PLAGL2: variants seen among roughly 807,000 people sequenced by gnomAD.
PLAGL2 encodes PLAG1 like zinc finger 2, also known as zinc finger protein PLAGL2.
A neutral mutation model predicts 29.0 loss-of-function variants in PLAGL2; 7 were observed. The ratio of observed to expected loss-of-function variants is 0.24; its 90% confidence interval spans 0.14 to 0.45. The LOEUF is 0.45. Among genes scored for constraint, PLAGL2 ranks in the 20% least tolerant of loss-of-function variants. PLAGL2 has a pLI of 0.99. For missense variants in PLAGL2, 454 were observed against 648.2 expected (o/e 0.70, Z 3.25); for synonymous variants, 234 against 266.0 (o/e 0.88, Z 1.17).
At chr20:32,200,601 TG>T (rs1399098832) in intron 2 of PLAGL2, among the ~76,000 whole-genome samples, 1 of 151,692 alleles carries the variant, frequency 6.6e-6, no homozygotes, top group African/African-American at 2.4e-5. Flanking sequence ...TGCTCTTTTT[TG>T]TTTTTTTTGA....
rs1157541265 is a variant in PLAGL2, at chr20:32,195,332, T to A, written c.*1120A>T. On this transcript the variant is annotated 3_prime_UTR_variant, in exon 3 of 3. Coordinates refer to ENST00000246229, the MANE Select transcript of PLAGL2 (RefSeq NM_002657.3). ...AGGAAGACCAATGAGGGGCTCAGAC[T>A]TCCTCCTTTGCTATCCACACCAACC... is the stretch of plus-strand genomic sequence containing the variant. 1 of 152,684 alleles carries A rather than the reference T, an allele frequency of 6.5e-6. No individual in the cohort carries two copies. The highest frequency in any genetic ancestry group is 1.9e-4 in the East Asian group (1 of 5,202). The allele number at this position is 152,684 out of a possible 1,614,324, so 9.5% of individuals were successfully genotyped here. A position where few individuals can be genotyped will look rare whatever the true frequency, so the allele number is the denominator to read the frequency against.
Position 32,197,457 on chromosome 20 carries a change from C to T in PLAGL2, c.486G>A (p.Leu162=). The T allele has an allele frequency of 6.2e-7, 1 of 1,613,034 alleles. No individual in the cohort carries two copies. The highest frequency in any genetic ancestry group is 1.1e-5 in the South Asian group (1 of 91,022). ...GGGCCTGGGTACTCTCAAAGGTCTG[C>T]AGGCACACCTTGCAGCTGAGGTCAC... The part of the protein sequence containing the change: ...SSGDLSCKVC[L]QTFESTQALL... The change falls in exon 3 of 3, where the codon CTG becomes CTA. Residue 162 remains leucine, a synonymous_variant. Transcript: ENST00000246229. This position sits in a 1 kb window ranked among gnomAD's most constrained non-coding sequence, Gnocchi z 6.6.
At chr20:32,201,805 A>G (rs2047260865) in intron 2 of PLAGL2, 114 bp downstream of exon 2, 1 of 827,474 alleles carries the variant, frequency 1.2e-6, no homozygotes, top group Non-Finnish European at 1.9e-6. Context: ...TACTTGTAGG[A>G]CAAATTAACC....
At position 32,193,166 on chromosome 20, in the gene PLAGL2, A is replaced by C. The variant is rs2047209792; in HGVS notation, c.*3286T>G. 6.6e-6 allele frequency: 1 copy of C among 152,376 alleles called. No individual in the cohort carries two copies. Among genetic ancestry groups the C allele is most frequent in the South Asian group, 2.1e-4 (1 of 4,830 alleles). The allele number at this position is 152,376 out of a possible 1,614,324, so 9.4% of individuals were successfully genotyped here. ...TGATCCTGTACAATATAACCTGTTA[A>C]AAAAATCGTGCTTACAAACAGCTCC... On this transcript the variant is annotated 3_prime_UTR_variant, in exon 3 of 3. Coordinates refer to ENST00000246229, the MANE Select transcript of PLAGL2 (RefSeq NM_002657.3).
Position 32,200,114 on chromosome 20 carries a change from C to G in PLAGL2, c.260+1805G>C, listed in dbSNP as rs540351408. 1.4e-4 allele frequency among the ~76,000 whole-genome samples: 21 copies of G among 152,356 alleles called. 1 individual carries two copies. In the South Asian group the frequency reaches 4.3e-3, roughly 32 times the overall value. ...ACCATAAACCCAAGGAGGACCAGCA[C>G]CCCCATCTGTCTGGCTCACTACTCC... On this transcript the variant is annotated intron_variant, in intron 2 of 2. Transcript: ENST00000246229.
rs528790846 is a variant in PLAGL2, at chr20:32,196,569, T to C, written c.1374A>G (p.Gln458=). The change falls in exon 3 of 3, where the codon CAA becomes CAG. Residue 458 remains glutamine, a synonymous_variant. Transcript: ENST00000246229. ...PLLTTLQAQP[Q]DSPGAGGPLN... ...GTGGTCCCCCAGCTCCTGGGGAATCTTGAGGCTGAGCTTGCAAAGTGGTAA... is the reference window on the plus strand; with the variant it reads ...GTGGTCCCCCAGCTCCTGGGGAATCCTGAGGCTGAGCTTGCAAAGTGGTAA... The C allele has an allele frequency of 8.4e-6, 13 of 1,544,408 alleles. No homozygotes were observed. The highest frequency in any genetic ancestry group is 2.8e-5 in the African/African-American group (2 of 72,498).
intron 2 of PLAGL2, among the ~76,000 whole-genome samples, chr20:32,198,016 C>A (rs534761236): frequency 6.6e-6 from 1 of 152,180 alleles, no homozygotes; most frequent in African/African-American, 2.4e-5. Context: ...TGTGTACTTA[C>A]AGGGAACATG....
In PLAGL2 at chr20:32,197,805, A is replaced by G; in HGVS notation, c.261-123T>C. ...TATAAAAACCATGGTAAAGGCTTGCAATGCAATACCAAACCAGTTATATTC... is the reference window on the plus strand; with the variant it reads ...TATAAAAACCATGGTAAAGGCTTGCGATGCAATACCAAACCAGTTATATTC... On this transcript the variant is annotated intron_variant, in intron 2 of 2. Coordinates refer to ENST00000246229, the MANE Select transcript of PLAGL2 (RefSeq NM_002657.3). This position sits in a 1 kb window ranked among gnomAD's most constrained non-coding sequence, Gnocchi z 6.6. 1.4e-6 allele frequency: 1 copy of G among 735,958 alleles called. No individual in the cohort carries two copies. The highest frequency in any genetic ancestry group is 2.2e-6 in the Non-Finnish European group (1 of 446,552). The allele number at this position is 735,958 out of a possible 1,614,324, so 45.6% of individuals were successfully genotyped here.
chr20:32,205,384 C>A (rs2047281165), intron 1 of PLAGL2, among the ~76,000 whole-genome samples: 1 of 152,184 alleles, frequency 6.6e-6, no homozygotes, highest in Admixed American at 6.5e-5. Context: ...CTTTACCTCC[C>A]TCCAGGCACC....
chr20:32,206,540 C>T (rs1315130549), intron 1 of PLAGL2, among the ~76,000 whole-genome samples: 1 of 152,206 alleles, frequency 6.6e-6, no homozygotes, highest in African/African-American at 2.4e-5. Flanking sequence ...TTCGACACCC[C>T]CGCTCCCAAT....
At chr20:32,201,814 C>T in intron 2 of PLAGL2, 105 bp downstream of exon 2, 1 of 902,966 alleles carries the variant, frequency 1.1e-6, no homozygotes, top group Admixed American at 2.5e-5. Flanking sequence ...GACAAATTAA[C>T]CTCCACTCTT....
intron 2 of PLAGL2, among the ~76,000 whole-genome samples, chr20:32,199,618 T>A (rs983944808): frequency 2.0e-5 from 3 of 152,118 alleles, no homozygotes; most frequent in Non-Finnish European, 4.4e-5. Flanking sequence ...AGGGACTGCT[T>A]GAGGCCAGGA....
In PLAGL2 at chr20:32,198,689, G is replaced by A. The variant is rs118012555; in HGVS notation, c.261-1007C>T. Among the ~76,000 whole-genome samples, 128 of 152,230 alleles carry A rather than the reference G, an allele frequency of 8.4e-4. No homozygotes were observed. In the East Asian group the frequency reaches 0.024, roughly 29 times the overall value. On this transcript the variant is annotated intron_variant, in intron 2 of 2. Coordinates refer to ENST00000246229, the MANE Select transcript of PLAGL2 (RefSeq NM_002657.3). ...AGAACAAATTTCCAAGATATACAGG[G>A]CTAAGTCAAAAAAGGAAGTTCAATA...
In PLAGL2 at chr20:32,202,163, T is replaced by A; in HGVS notation, c.16A>T (p.Thr6Ser). 6.2e-7 allele frequency: 1 copy of A among 1,614,044 alleles called. No homozygotes were observed. The highest frequency in any genetic ancestry group is 8.5e-7 in the Non-Finnish European group (1 of 1,180,018). The change falls in exon 2 of 3, where the codon ACC becomes TCC. Residue 6 changes from threonine to serine, a missense_variant. Thr to Ser is a moderately conservative substitution (Grantham distance 58, BLOSUM62 1). Coordinates refer to ENST00000246229, the MANE Select transcript of PLAGL2 (RefSeq NM_002657.3). The stretch of plus-strand genomic sequence containing the variant: ...TCTTGAATCCAGGGGGGGACGCTGG[T>A]GAAAAATGTGGTCATGGCAAGGCTA... MTTFF[T>S]SVPPWIQDAK... is the part of the protein sequence containing the mutation.
chr20:32,201,817 C>G, intron 2 of PLAGL2, 102 bp downstream of exon 2: 2 of 940,460 alleles, frequency 2.1e-6, no homozygotes, highest in Non-Finnish European at 1.6e-6. Context: ...AAATTAACCT[C>G]CACTCTTCTG....
rs1217395158 is a variant in PLAGL2 at position 32,197,425 on chromosome 20, T to C, written c.518A>G (p.Glu173Gly). 2 of 1,612,390 alleles carry C rather than the reference T, an allele frequency of 1.2e-6. No individual in the cohort carries two copies. The highest frequency in any genetic ancestry group is 2.2e-5 in the South Asian group (2 of 90,958). Residue 173 changes from glutamate to glycine, a missense_variant, in exon 3 of 3, where the codon GAG becomes GGG. By Grantham distance (98) the Glu-to-Gly change is moderately conservative. Around this residue, in one of 4 missense-constraint regions of PLAGL2, gnomAD observed 111 missense variants for 173.1 expected, o/e 0.64. Transcript: ENST00000246229. The surrounding 1 kb of genome is among the most constrained non-coding windows in gnomAD (Gnocchi z 6.6). ...QTFESTQALLEHLKAHSRRVA... is the reference protein window; with the variant it reads ...QTFESTQALLGHLKAHSRRVA... ...CCGGCGTGAGTGGGCCTTCAGGTGC[T>C]CTAGCAGGGCCTGGGTACTCTCAAA...
chr20:32,199,340 G>C (rs116623194), intron 2 of PLAGL2, among the ~76,000 whole-genome samples: 122 of 152,312 alleles, frequency 8.0e-4, no homozygotes, highest in African/African-American at 2.9e-3. Context: ...TGATGGAACT[G>C]ACGTGGTAAT....
chr20:32,200,747 C>T (rs1180803304), intron 2 of PLAGL2, among the ~76,000 whole-genome samples: 1 of 152,294 alleles, frequency 6.6e-6, no homozygotes, highest in Non-Finnish European at 1.5e-5. Context: ...TGTGCCACCA[C>T]ACCCAGCTAA....
rs2047263521 is a variant in PLAGL2 at position 32,202,168 on chromosome 20, A to G, written c.11T>C (p.Phe4Ser). The G allele has an allele frequency of 6.2e-7, 1 of 1,614,000 alleles. No individual in the cohort carries two copies. Among genetic ancestry groups the G allele is most frequent in the Admixed American group, 1.7e-5 (1 of 60,014 alleles). Residue 4 changes from phenylalanine (F) to serine (S), a missense_variant, in exon 2 of 3, where the codon TTT becomes TCT. Physicochemically the swap from Phe to Ser is radical, Grantham distance 155. This residue lies in a region of PLAGL2 where 89 missense variants were observed against 90.4 expected (regional missense o/e 0.98). Transcript: ENST00000246229. Reference protein sequence around the residue: MTTFFTSVPPWIQD... With the variant: MTTSFTSVPPWIQD... Reference sequence around the variant, plus strand: ...AATCCAGGGGGGGACGCTGGTGAAAAATGTGGTCATGGCAAGGCTAATGGC... The same window carrying G: ...AATCCAGGGGGGGACGCTGGTGAAAGATGTGGTCATGGCAAGGCTAATGGC...
Sources: gnomAD v4.1 joint callset for allele counts (sites outside exome capture counted in the v4.1 genomes callset) on GRCh38, gnomAD v4.1.1 for gene constraint, gnomAD v4.1.1 regional missense constraint, Gnocchi (gnomAD v3.1) non-coding constraint, MANE v1.5 for transcripts, NCBI Gene and HGNC (gene_info 2026-07-23, HGNC 2026-07-21) for gene names.